TBL1X: variants seen among roughly 807,000 people sequenced by gnomAD.
The protein encoded by TBL1X is F-box-like/WD repeat-containing protein TBL1X.
In TBL1X, 10 loss-of-function variants were observed where a neutral mutation model predicts 50.7. The observed-to-expected ratio is 0.20, with a 90% confidence interval of 0.12 to 0.33. The LOEUF (loss-of-function observed/expected upper bound fraction) is 0.33, where lower values mean the gene tolerates loss of function less well. Ranked by LOEUF, TBL1X falls within the 10% of genes least tolerant of loss-of-function variation. The probability of loss-of-function intolerance (pLI) is 1.00; values close to 1 mark genes in which losing one functional copy is unlikely to be tolerated. For missense variants in TBL1X, 340 were observed against 504.4 expected (o/e 0.67, Z 3.12); for synonymous variants, 190 against 214.7 (o/e 0.88, Z 1.01).
chrX:9,698,625 GCAGACCCC>G (rs1238764885), intron 12 of TBL1X, among the ~76,000 whole-genome samples: 1 of 111,683 alleles, frequency 9.0e-6, no homozygotes, highest in Non-Finnish European at 1.9e-5. Context: ...AGCCAAAACT[GCAGACCCC>G]CAGAAGGAAA....
chrX:9,710,208 C>T (rs1269415950), intron 15 of TBL1X, among the ~76,000 whole-genome samples: 2 of 78,375 alleles, frequency 2.6e-5, no homozygotes, highest in Non-Finnish European at 4.7e-5. Flanking sequence ...CAGAGCAAGA[C>T]CATGTCTCAA....
chrX:9,631,202 T>C (rs914156169), intron 2 of TBL1X, among the ~76,000 whole-genome samples: 2 of 111,408 alleles, frequency 1.8e-5, no homozygotes, highest in African/African-American at 6.5e-5. Flanking sequence ...TAAACTCGTG[T>C]CATGGGGGGT....
chrX:9,490,206 A>G (rs1481282453), intron 1 of TBL1X, among the ~76,000 whole-genome samples: 1 of 111,296 alleles, frequency 9.0e-6, no homozygotes, highest in African/African-American at 3.3e-5. Context: ...CCTGGGCTCA[A>G]GCAGTCCTCC....
intron 5 of TBL1X, among the ~76,000 whole-genome samples, chrX:9,674,191 A>G (rs1042994801): frequency 4.9e-4 from 55 of 112,706 alleles, no homozygotes; most frequent in African/African-American, 1.3e-3. Context: ...AGCAAGTATG[A>G]AAATATGAAT....
intron 2 of TBL1X, among the ~76,000 whole-genome samples, chrX:9,546,708 ATTC>A (rs1201993904): frequency 9.1e-6 from 1 of 109,882 alleles, no homozygotes; most frequent in Non-Finnish European, 1.9e-5. Context: ...TGCATTTCTA[ATTC>A]TTCTATTCAT....
In TBL1X at chrX:9,614,754, A is replaced by G. The variant is rs576982434; in HGVS notation, c.-130-25519A>G. On this transcript the variant is annotated intron_variant, in intron 2 of 17. Transcript: ENST00000645353. ...AAATAATTGCACCATGACTATAGAAACTAGTAAGAGTCAGCGCCTGAAATT... is the reference window on the plus strand; with the variant it reads ...AAATAATTGCACCATGACTATAGAAGCTAGTAAGAGTCAGCGCCTGAAATT... 4.5e-5 allele frequency among the ~76,000 whole-genome samples: 5 copies of G among 111,418 alleles called. No homozygotes were observed. In the South Asian group the frequency reaches 1.9e-3, roughly 43 times the overall value.
At position 9,562,151 on chromosome X, in the gene TBL1X, G is replaced by A. The variant is rs369431541; in HGVS notation, c.-131+60302G>A. On this transcript the variant is annotated intron_variant, in intron 2 of 17. Coordinates refer to ENST00000645353, the MANE Select transcript of TBL1X (RefSeq NM_005647.4). ...TGAACAAAAAACTGATTGGTATTACGTGAGGATTATCTTCATAAAGTTCAG... is the reference window on the plus strand; with the variant it reads ...TGAACAAAAAACTGATTGGTATTACATGAGGATTATCTTCATAAAGTTCAG... Among the ~76,000 whole-genome samples, 6 of 112,141 alleles carry A rather than the reference G, an allele frequency of 5.4e-5. 1 individual carries two copies. The highest frequency in any genetic ancestry group is 1.9e-5 in the Non-Finnish European group (1 of 53,231).
intron 2 of TBL1X, among the ~76,000 whole-genome samples, chrX:9,603,525 C>T (rs1345513533): frequency 8.9e-6 from 1 of 111,874 alleles, no homozygotes; most frequent in African/African-American, 3.2e-5. Context: ...CCGAGGGACA[C>T]GGTGGAGGCA....
intron 2 of TBL1X, among the ~76,000 whole-genome samples, chrX:9,586,870 A>G (rs1048412796): frequency 3.6e-5 from 4 of 112,254 alleles, no homozygotes; most frequent in African/African-American, 1.3e-4. Context: ...GTTGCACTCC[A>G]GCCTGGGTGA....
intron 1 of TBL1X, among the ~76,000 whole-genome samples, chrX:9,475,882 C>T (rs1170824752): frequency 4.5e-5 from 5 of 111,671 alleles, no homozygotes; most frequent in Non-Finnish European, 9.4e-5. Context: ...ATATTGAATT[C>T]GCAACATAAC....
chrX:9,608,149 A>G (rs923212991), intron 2 of TBL1X, among the ~76,000 whole-genome samples: 1 of 110,293 alleles, frequency 9.1e-6, no homozygotes, highest in Non-Finnish European at 1.9e-5. Flanking sequence ...ACATGATTGG[A>G]CTGGGGTGGT....
chrX:9,585,060 A>G (rs910822731), intron 2 of TBL1X, among the ~76,000 whole-genome samples: 1 of 111,917 alleles, frequency 8.9e-6, no homozygotes, highest in Non-Finnish European at 1.9e-5. Flanking sequence ...ATGGCTTGTC[A>G]AAGCATCCAT....
intron 2 of TBL1X, among the ~76,000 whole-genome samples, chrX:9,638,610 G>T (rs1459852804): frequency 1.8e-5 from 2 of 111,977 alleles, no homozygotes; most frequent in East Asian, 5.6e-4. Context: ...TCATTTGTGG[G>T]TTACCATCTG....
In TBL1X at chrX:9,539,237, A is replaced by G. The variant is rs898982514; in HGVS notation, c.-131+37388A>G. The stretch of plus-strand genomic sequence containing the variant: ...TGGTTCTATGAAGGTCGTAGGTACA[A>G]TAGAAATTGTGTTGGTCTGAGAGTT... On this transcript the variant is annotated intron_variant, in intron 2 of 17. Transcript: ENST00000645353. Among the ~76,000 whole-genome samples, 17 of 111,790 alleles carry G rather than the reference A, an allele frequency of 1.5e-4. No individual in the cohort carries two copies. The Admixed American group carries it at 1.6e-3, about 11-fold the overall frequency.
At chrX:9,495,325 G>A (rs980965525) in intron 1 of TBL1X, among the ~76,000 whole-genome samples, 1 of 111,195 alleles carries the variant, frequency 9.0e-6, no homozygotes, top group Non-Finnish European at 1.9e-5. Context: ...GCACAAGGGA[G>A]AGGGGATAAT....
In TBL1X at chrX:9,661,873, G is replaced by T. The variant is rs1441493279; in HGVS notation, c.211+7551G>T. ...AGAAACATAAGACTGAGGGTGAAGT[G>T]AGATCCCCTCTGAAAAAGCACCAGG... On this transcript the variant is annotated intron_variant, in intron 5 of 17. Coordinates refer to ENST00000645353, the MANE Select transcript of TBL1X (RefSeq NM_005647.4). Among the ~76,000 whole-genome samples, 3 of 111,248 alleles carry T rather than the reference G, an allele frequency of 2.7e-5. No homozygotes were observed. The East Asian group carries it at 8.5e-4, about 31-fold the overall frequency.
At chrX:9,496,425 A>G (rs1015214639) in intron 1 of TBL1X, among the ~76,000 whole-genome samples, 5 of 112,769 alleles carry the variant, frequency 4.4e-5, no homozygotes, top group African/African-American at 1.6e-4. Flanking sequence ...TGGAAAGGAT[A>G]TGAGAGTCTT....
rs150183114 is a variant in TBL1X at position 9,699,983 on chromosome X, T to G, written c.1114+2554T>G. Among the ~76,000 whole-genome samples, 345 of 112,193 alleles carry G rather than the reference T, an allele frequency of 3.1e-3. 1 individual carries two copies. Among genetic ancestry groups the G allele is most frequent in the African/African-American group, 0.011 (327 of 30,926 alleles). On this transcript the variant is annotated intron_variant, in intron 12 of 17. Coordinates refer to ENST00000645353, the MANE Select transcript of TBL1X (RefSeq NM_005647.4). ...TGCAGGTAGCACGTGTACTAGGTCC[T>G]CCAGAAAGTGTTCTTCACCCCAAAG...
chrX:9,693,634 G>A (rs968742822), intron 11 of TBL1X, among the ~76,000 whole-genome samples: 1 of 111,335 alleles, frequency 9.0e-6, no homozygotes, highest in Non-Finnish European at 1.9e-5. Flanking sequence ...GCAGACCCTC[G>A]TGCAAAGCTT....
Sources: gnomAD v4.1 joint callset for allele counts (sites outside exome capture counted in the v4.1 genomes callset) on GRCh38, gnomAD v4.1.1 for gene constraint, MANE v1.5 for transcripts, NCBI Gene and HGNC (gene_info 2026-07-23, HGNC 2026-07-21) for gene names.